SLC6A13: variants seen among roughly 807,000 people sequenced by gnomAD.
SLC6A13 encodes the protein solute carrier family 6 member 13, also known as sodium- and chloride-dependent GABA transporter 2.
SLC6A13 carries 69 observed loss-of-function variants against 72.9 expected under a neutral mutation model. The observed-to-expected ratio is 0.95, with a 90% CI of 0.78 to 1.16. SLC6A13 has a LOEUF of 1.16. Ranked by LOEUF, SLC6A13 falls within the 50% of genes most tolerant of loss-of-function variation. The pLI, the probability that SLC6A13 is intolerant of heterozygous loss-of-function variation, is 0.00. For synonymous variants in SLC6A13, 303 were observed against 303.0 expected (o/e 1.00, Z 0.00); for missense variants, 735 against 760.5 (o/e 0.97, Z 0.39).
At position 223,180 on chromosome 12, in the gene SLC6A13, G is replaced by T. The variant is rs766529624; in HGVS notation, c.1366C>A (p.Leu456Ile). The T allele has an allele frequency of 1.2e-6, 2 of 1,613,940 alleles. No individual in the cohort carries two copies. The highest frequency in any genetic ancestry group is 2.2e-5 in the South Asian group (2 of 91,060). ...GACTCGAAGATGGCCACGAACAGGA[G>T]GCACATGCCACTGGCCGCATAGTAG... ...FDYYAASGMC[L>I]LFVAIFESLC... The change falls in exon 12 of 15, where the codon CTC becomes ATC. Residue 456 changes from leucine to isoleucine, a missense_variant. Transcript: ENST00000343164.
At chr12:235,276 G>A (rs764066550) in intron 6 of SLC6A13, 52 bp from the exon 7 acceptor site, 1 of 1,606,114 alleles carries the variant, frequency 6.2e-7, no homozygotes, top group African/African-American at 1.3e-5. Flanking sequence ...GAAGCAGCAG[G>A]GGCAGGAGGC....
chr12:221,389 C>T lies in SLC6A13; in HGVS notation c.1673G>A (p.Gly558Asp). 2 of 1,601,088 alleles carry T rather than the reference C, an allele frequency of 1.2e-6. No individual in the cohort carries two copies. Among genetic ancestry groups the T allele is most frequent in the Non-Finnish European group, 8.5e-7 (1 of 1,173,906 alleles). ...WSLYRLGTLKGPFRERIRQLM... is the reference protein window; with the variant it reads ...WSLYRLGTLKDPFRERIRQLM... ...CAAAGGCCCTACCTCTCTGAAGGGG[C>T]CCTTGAGGGTTCCGAGTCTGTAGAG... Residue 558 changes from glycine (G) to aspartate (D), a missense_variant, in exon 14 of 15, where the codon GGC (glycine) becomes GAC (aspartate). Physicochemically the swap from Gly to Asp is moderately conservative, Grantham distance 94 (BLOSUM62 -1). Coordinates refer to ENST00000343164, the MANE Select transcript of SLC6A13 (RefSeq NM_016615.5).
intron 5 of SLC6A13, among the ~76,000 whole-genome samples, 183 bp from the exon 6 acceptor site, chr12:237,473 T>C (rs902517434): frequency 2.0e-5 from 3 of 152,196 alleles, no homozygotes; most frequent in Non-Finnish European, 4.4e-5. Flanking sequence ...GAATGGAGAC[T>C]GTTCCAGGTA....
intron 5 of SLC6A13, 93 bp downstream of exon 5, chr12:237,833 G>T: frequency 1.1e-6 from 1 of 921,694 alleles, no homozygotes; most frequent in Non-Finnish European, 1.8e-6. Flanking sequence ...TTCTTCCCTT[G>T]CTGTCCATTG....
intron 2 of SLC6A13, among the ~76,000 whole-genome samples, chr12:247,791 T>C (rs1004282935): frequency 1.3e-5 from 2 of 151,996 alleles, no homozygotes; most frequent in Non-Finnish European, 1.5e-5. Flanking sequence ...TTATAACATA[T>C]AAAAATGTAT....
intron 7 of SLC6A13, among the ~76,000 whole-genome samples, chr12:233,970 G>A (rs984766352): frequency 3.3e-5 from 5 of 152,186 alleles, no homozygotes; most frequent in Admixed American, 2.6e-4. Context: ...CACAGGATGA[G>A]ACAGGAGGTC....
chr12:242,488 G>T, intron 4 of SLC6A13, 126 bp downstream of exon 4: 1 of 691,748 alleles, frequency 1.4e-6, no homozygotes. Flanking sequence ...CTTGACATAA[G>T]CTCTCCATGG....
rs778285366 is a variant in SLC6A13 at position 226,441 on chromosome 12, C to T, written c.1009G>A (p.Gly337Ser). 1 of 1,614,086 alleles carries T rather than the reference C, an allele frequency of 6.2e-7. No individual in the cohort carries two copies. The highest frequency in any genetic ancestry group is 1.7e-5 in the Admixed American group (1 of 60,024). ...ACCCCCTGCTCCTGAGACATGAAGC[C>T]CAGGATGGAGAAGATGGCAAAGCCG... Reference protein sequence around the residue: ...VAGFAIFSILGFMSQEQGVPI... With the variant: ...VAGFAIFSILSFMSQEQGVPI... The change falls in exon 9 of 15, where the codon GGC becomes AGC. Residue 337 changes from glycine to serine, a missense_variant. Transcript: ENST00000343164.
At chr12:230,595 A>G (rs1941669271) in intron 7 of SLC6A13, among the ~76,000 whole-genome samples, 1 of 152,248 alleles carries the variant, frequency 6.6e-6, no homozygotes, top group Admixed American at 6.5e-5. Flanking sequence ...TTCTGGAATA[A>G]TAAAAAGCAG....
intron 4 of SLC6A13, among the ~76,000 whole-genome samples, chr12:239,512 C>T (rs1942087892): frequency 6.6e-6 from 1 of 152,202 alleles, no homozygotes; most frequent in Admixed American, 6.5e-5. Flanking sequence ...GACCATGCCA[C>T]TTAAAATTGC....
At position 226,421 on chromosome 12, in the gene SLC6A13, C is replaced by G. The variant is rs1591823993; in HGVS notation, c.1029G>C (p.Gln343His). ...FSILGFMSQE[Q>H]GVPISEVAES... The stretch of plus-strand genomic sequence containing the variant: ...CGGCCACCTCAGAAATGGGCACCCC[C>G]TGCTCCTGAGACATGAAGCCCAGGA... Residue 343 changes from glutamine to histidine, a missense_variant, in exon 9 of 15, where the codon CAG becomes CAC. Transcript: ENST00000343164. The G allele has an allele frequency of 6.2e-7, 1 of 1,614,108 alleles. No homozygotes were observed. Among genetic ancestry groups the G allele is most frequent in the Non-Finnish European group, 8.5e-7 (1 of 1,179,968 alleles).
At chr12:239,099 T>C (rs1942054010) in intron 4 of SLC6A13, among the ~76,000 whole-genome samples, 1 of 126,442 alleles carries the variant, frequency 7.9e-6, no homozygotes, top group African/African-American at 2.9e-5. Context: ...CCTGCACACG[T>C]GGGGTGTGTT....
At chr12:238,165 A>G in intron 4 of SLC6A13, 155 bp from the exon 5 acceptor site, 1 of 1,536,260 alleles carries the variant, frequency 6.5e-7, no homozygotes, top group Non-Finnish European at 8.7e-7. Context: ...TCCCACACGT[A>G]ATAACCTCAA....
chr12:228,229 A>G (rs75611255), intron 7 of SLC6A13, among the ~76,000 whole-genome samples: 6,573 of 152,280 alleles, frequency 0.043, 216 homozygotes, highest in Non-Finnish European at 0.063. Flanking sequence ...AGGGAAAAAA[A>G]TCACAGTCCA....
intron 1 of SLC6A13, among the ~76,000 whole-genome samples, chr12:261,944 A>AG (rs1013469640): frequency 1.3e-5 from 2 of 152,130 alleles, no homozygotes; most frequent in African/African-American, 4.8e-5. Flanking sequence ...GAAAAAAAAA[A>AG]AAAGTCAGGG....
Position 242,638 on chromosome 12 carries a change from C to T in SLC6A13, c.454G>A (p.Gly152Ser), listed in dbSNP as rs375633418. The T allele has an allele frequency of 1.2e-6, 2 of 1,613,600 alleles. No homozygotes were observed. The highest frequency in any genetic ancestry group is 1.7e-6 in the Non-Finnish European group (2 of 1,179,780). The change falls in exon 4 of 15, where the codon GGC becomes AGC. Residue 152 changes from glycine (G) to serine (S), a missense_variant. Coordinates refer to ENST00000343164, the MANE Select transcript of SLC6A13 (RefSeq NM_016615.5). ...CCTGTGTTCCACTCATGGTAGCAGC[C>T]GCCCCAGGGCAGGTCGATGGTGAAG... The part of the protein sequence containing the change: ...SSFTIDLPWG[G>S]CYHEWNTEHC...
rs1248684275 is a variant in SLC6A13 at position 237,029 on chromosome 12, A to T, written c.696+129T>A. 7 of 985,726 alleles carry T rather than the reference A, an allele frequency of 7.1e-6. No individual in the cohort carries two copies. In the East Asian group the frequency reaches 9.6e-5, roughly 14 times the overall value. 61.1% of individuals were successfully genotyped at this position (985,726 alleles called of 1,614,324 possible). ...AGGCGGAGAATCAAGGAAGGGAGCC[A>T]CATCAAATCCTCGCTGGGTCATCGC... is the stretch of plus-strand genomic sequence containing the variant. On this transcript the variant is annotated intron_variant, in intron 6 of 14. Coordinates refer to ENST00000343164, the MANE Select transcript of SLC6A13 (RefSeq NM_016615.5).
At chr12:236,161 C>A (rs1012153173) in intron 6 of SLC6A13, among the ~76,000 whole-genome samples, 1 of 152,104 alleles carries the variant, frequency 6.6e-6, no homozygotes, top group African/African-American at 2.4e-5. Context: ...TGTCCTGTTC[C>A]CTCAGAAGCA....
chr12:220,739 G>A lies in SLC6A13; in HGVS notation c.*209C>T. On this transcript the variant is annotated 3_prime_UTR_variant, in exon 15 of 15. Coordinates refer to ENST00000343164, the MANE Select transcript of SLC6A13 (RefSeq NM_016615.5). ...CCAAGGGTCTCAGAGGGACACTCTT[G>A]GCACTGGCCTTTCACATCTGTTCAA... 1 of 564,848 alleles carries A rather than the reference G, an allele frequency of 1.8e-6. No individual in the cohort carries two copies. Among genetic ancestry groups the A allele is most frequent in the South Asian group, 2.0e-5 (1 of 49,518 alleles). The allele number at this position is 564,848 out of a possible 1,614,324, so 35.0% of individuals were successfully genotyped here.
Sources: gnomAD v4.1 joint callset for allele counts (sites outside exome capture counted in the v4.1 genomes callset) on GRCh38, gnomAD v4.1.1 for gene constraint, MANE v1.5 for transcripts, NCBI Gene and HGNC (gene_info 2026-07-23, HGNC 2026-07-21) for gene names.